ANO1: variants seen among roughly 807,000 people sequenced by gnomAD.
The protein encoded by ANO1 is anoctamin-1.
A neutral mutation model predicts 124.0 loss-of-function variants in ANO1; 59 were observed. That is an observed-to-expected ratio of 0.48 (90% confidence interval 0.39 to 0.59). The LOEUF (loss-of-function observed/expected upper bound fraction) is 0.59, where lower values mean the gene tolerates loss of function less well. Ranked by LOEUF, ANO1 falls within the 20% of genes least tolerant of loss-of-function variation. ANO1 has a pLI of 0.00. For missense variants in ANO1, 1,059 were observed against 1,328.0 expected (o/e 0.80, Z 3.15); for synonymous variants, 529 against 532.0 (o/e 0.99, Z 0.08).
chr11:70,180,669 G>A (rs1230776821), intron 23 of ANO1, among the ~76,000 whole-genome samples: 2 of 152,144 alleles, frequency 1.3e-5, no homozygotes, highest in Admixed American at 6.5e-5. Context: ...GGAAGACAGA[G>A]ACAGAGATAG....
intron 1 of ANO1, chr11:70,063,960 T>A (rs1324999386): frequency 2.6e-5 from 4 of 152,220 alleles, no homozygotes; most frequent in African/African-American, 9.6e-5. Context: ...AGTGGATTCA[T>A]GAGTGTGAAT....
intron 10 of ANO1, among the ~76,000 whole-genome samples, chr11:70,130,313 G>A (rs893600589): frequency 6.6e-6 from 1 of 152,252 alleles, no homozygotes; most frequent in Non-Finnish European, 1.5e-5. Context: ...GGGCCACGGA[G>A]GGTATGAGTA....
intron 1 of ANO1, among the ~76,000 whole-genome samples, chr11:70,062,219 G>A (rs782433249): frequency 2.0e-5 from 3 of 151,822 alleles, no homozygotes; most frequent in Non-Finnish European, 2.9e-5. Flanking sequence ...TGGAATTACA[G>A]ACGCGTACCA....
intron 7 of ANO1, among the ~76,000 whole-genome samples, chr11:70,114,521 A>G (rs1252920576): frequency 1.3e-5 from 2 of 152,116 alleles, no homozygotes; most frequent in Admixed American, 6.5e-5. Flanking sequence ...TTTTGCTTCC[A>G]TCTTCCTCCC....
At chr11:70,156,740 T>C (rs1266695772) in intron 15 of ANO1, among the ~76,000 whole-genome samples, 1 of 152,210 alleles carries the variant, frequency 6.6e-6, no homozygotes, top group Non-Finnish European at 1.5e-5. Context: ...TCCTGTGACA[T>C]AGGTGATAAA....
intron 1 of ANO1, among the ~76,000 whole-genome samples, chr11:69,994,153 G>C (rs1299842439): frequency 3.3e-5 from 5 of 151,502 alleles, no homozygotes; most frequent in Admixed American, 3.3e-4. Flanking sequence ...GCATGGGCTA[G>C]CTGAGCATCA....
intron 1 of ANO1, among the ~76,000 whole-genome samples, chr11:70,012,194 C>G (rs190932337): frequency 6.6e-6 from 1 of 151,948 alleles, no homozygotes; most frequent in Admixed American, 6.6e-5. Context: ...ATTGTTGTAT[C>G]TATCTATCCA....
At position 70,032,575 on chromosome 11, in the gene ANO1, T is replaced by C. The variant is rs568405698; in HGVS notation, c.59-45967T>C. ...GAAGGGTAGAATCCGCAGAACCCAC[T>C]GTGAAGGGGTGGGCAAGGGAGGAGC... On this transcript the variant is annotated intron_variant, in intron 1 of 27. Transcript: ENST00000531349. Among the ~76,000 whole-genome samples the C allele has an allele frequency of 3.3e-5, 5 of 151,232 alleles. No homozygotes were observed. The South Asian group carries it at 8.4e-4, about 25-fold the overall frequency.
chr11:70,165,126 C>T (rs1403304322), intron 19 of ANO1, among the ~76,000 whole-genome samples: 1 of 152,122 alleles, frequency 6.6e-6, no homozygotes, highest in Non-Finnish European at 1.5e-5. Flanking sequence ...CTGGGGACTA[C>T]GGAAGCCCTC....
At chr11:70,062,968 C>A (rs745945746) in intron 1 of ANO1, among the ~76,000 whole-genome samples, 1 of 152,066 alleles carries the variant, frequency 6.6e-6, no homozygotes, top group Non-Finnish European at 1.5e-5. Flanking sequence ...CTCACTCTGT[C>A]ACCCAGGCTG....
At chr11:69,989,079 T>C (rs1461924753) in intron 1 of ANO1, among the ~76,000 whole-genome samples, 1 of 152,262 alleles carries the variant, frequency 6.6e-6, no homozygotes, top group East Asian at 1.9e-4. Context: ...CAGTCACCCA[T>C]GGAAGCCCTG....
chr11:70,040,263 C>T (rs1418304119), intron 1 of ANO1, among the ~76,000 whole-genome samples: 3 of 151,974 alleles, frequency 2.0e-5, no homozygotes, highest in Non-Finnish European at 4.4e-5. Flanking sequence ...ACCACAAAAC[C>T]TTACTAAGGT....
intron 1 of ANO1, 136 bp from the exon 2 acceptor site, chr11:70,087,615 TG>T: frequency 1.2e-6 from 1 of 814,276 alleles, no homozygotes; most frequent in Non-Finnish European, 1.9e-6. Flanking sequence ...GGACAGTGCC[TG>T]GCCCGTGGAG....
At chr11:70,153,407 A>C (rs1020165218) in intron 14 of ANO1, among the ~76,000 whole-genome samples, 3 of 152,226 alleles carry the variant, frequency 2.0e-5, no homozygotes, top group Admixed American at 6.5e-5. Context: ...CTTCCTCTAG[A>C]TCTCTTGTCA....
chr11:70,152,334 CA>C (rs56895585), intron 12 of ANO1, 115 bp from the exon 13 acceptor site: 77,859 of 428,600 alleles, frequency 0.18, 231 homozygotes, highest in African/African-American at 0.25. Context: ...GACTCCATCT[CA>C]AAAAAAAAAA....
chr11:70,010,189 A>ATATATATATATATATATATC (rs1856575795), intron 1 of ANO1, among the ~76,000 whole-genome samples: 1 of 83,546 alleles, frequency 1.2e-5, no homozygotes, highest in Admixed American at 1.4e-4. Flanking sequence ...GTATATATAT[A>ATATATATATATATATATATC]TATATATATC....
intron 24 of ANO1, among the ~76,000 whole-genome samples, chr11:70,184,055 TCTC>T (rs2049020778): frequency 1.3e-5 from 2 of 152,108 alleles, no homozygotes; most frequent in South Asian, 4.1e-4. Flanking sequence ...AGGTGGCCCT[TCTC>T]CTAGCCTCCC....
chr11:70,072,245 C>T (rs900201338), intron 1 of ANO1, among the ~76,000 whole-genome samples: 2 of 152,130 alleles, frequency 1.3e-5, no homozygotes, highest in Admixed American at 6.5e-5. Context: ...ACGTGAGGCC[C>T]GGAGTGTACA....
chr11:69,995,393 G>C (rs933206704), intron 1 of ANO1, among the ~76,000 whole-genome samples: 1 of 152,046 alleles, frequency 6.6e-6, no homozygotes, highest in Non-Finnish European at 1.5e-5. Context: ...CACCATGCCC[G>C]GCCACTGGCA....
Sources: allele counts gnomAD v4.1 joint callset (sites outside exome capture counted in the v4.1 genomes callset), GRCh38; gene constraint gnomAD v4.1.1; transcripts MANE v1.5; gene names NCBI Gene and HGNC (gene_info 2026-07-23, HGNC 2026-07-21).